Variants in SAMD11 observed in about 807,000 individuals in gnomAD.
SAMD11 encodes sterile alpha motif domain-containing protein 11.
Under a neutral mutation model 64.4 loss-of-function variants are expected in SAMD11, and 77 were observed. That is an observed-to-expected ratio of 1.20 (90% confidence interval 0.99 to 1.44). SAMD11 has a LOEUF of 1.44. Ranked by LOEUF, SAMD11 falls within the 40% of genes most tolerant of loss-of-function variation. The probability of loss-of-function intolerance (pLI) is 0.00; values close to 1 mark genes in which losing one functional copy is unlikely to be tolerated. For synonymous variants in SAMD11, 658 were observed against 421.9 expected, an observed-to-expected ratio of 1.56 and a Z score of -6.86; for missense variants, 1,402 against 943.3, an observed-to-expected ratio of 1.49 and a Z score of -6.37.
chr1:942,281 G>A (rs763624118), intron 9 of SAMD11, 30 bp downstream of exon 9: 135 of 1,049,146 alleles, frequency 1.3e-4, no homozygotes, highest in Non-Finnish European at 1.0e-5. Flanking sequence ...TCCCCTGGGA[G>A]CCCGCGTGGA....
chr1:939,612 C>G, intron 7 of SAMD11, 200 bp downstream of exon 7: 1 of 905,022 alleles, frequency 1.1e-6, no homozygotes, highest in Non-Finnish European at 1.6e-6. Flanking sequence ...TGGGGCGGGC[C>G]ACACCTCCAT....
chr1:932,902 CCT>C (rs1303014993), intron 4 of SAMD11, among the ~76,000 whole-genome samples: 1 of 152,260 alleles, frequency 6.6e-6, no homozygotes, highest in Non-Finnish European at 1.5e-5. Flanking sequence ...CTCCTGGGCC[CCT>C]GAGCTGGTGG....
Position 931,073 on chromosome 1 carries a change from C to T in SAMD11, c.826C>T (p.Arg276Ter), listed in dbSNP as rs781468828. Residue 276 changes from arginine to a stop codon, truncating the protein, a stop_gained, in exon 4 of 14, where the codon CGA (arginine) becomes TGA (stop). Coordinates refer to ENST00000616016, the MANE Select transcript of SAMD11 (RefSeq NM_001385641.1). LOFTEE classifies it high-confidence loss of function. ...CCACTGGGACGTGAACATCTCTTTC[C>T]GAGAGGCGTCCTGCAGGTAGGAGCC... ...HTHWDVNISF[R>*]EASCSQDGNL... 3.7e-6 allele frequency: 6 copies of T among 1,612,490 alleles called. No homozygotes were observed. Among genetic ancestry groups the T allele is most frequent in the Admixed American group, 1.7e-5 (1 of 59,994 alleles).
At chr1:943,136 G>A in intron 11 of SAMD11, 78 bp downstream of exon 11, 2 of 1,575,052 alleles carry the variant, frequency 1.3e-6, no homozygotes. Flanking sequence ...TTGGGGGGAG[G>A]AAAAATTCCC....
chr1:940,037 G>A (rs1453724259), intron 7 of SAMD11, among the ~76,000 whole-genome samples: 3 of 152,138 alleles, frequency 2.0e-5, no homozygotes, highest in African/African-American at 7.2e-5. Context: ...GGCCCCAGCC[G>A]CCCGCCTGGC....
rs1260427586 is a variant in SAMD11, at chr1:939,288, G to T, written c.1071G>T (p.Leu357=). The stretch of plus-strand genomic sequence containing the variant: ...CCTCCCCAGCAGAGGCGCTGCTGCT[G>T]CCGCGGGAGCTGGGGCCCAGCATGG... ...RSESPQEALL[L]PRELGPSMAP... The change falls in exon 7 of 14, where the codon CTG becomes CTT. Residue 357 remains leucine (L), a synonymous_variant. Transcript: ENST00000616016. The T allele has an allele frequency of 5.0e-6, 8 of 1,605,942 alleles. No homozygotes were observed. The highest frequency in any genetic ancestry group is 5.1e-6 in the Non-Finnish European group (6 of 1,177,122).
At chr1:926,409 G>A (rs529399443) in intron 2 of SAMD11, among the ~76,000 whole-genome samples, 1 of 152,374 alleles carries the variant, frequency 6.6e-6, no homozygotes, top group Admixed American at 6.5e-5. Flanking sequence ...CTGGTGAGGT[G>A]TGATTCTGGG....
chr1:936,018 C>G, intron 5 of SAMD11, 122 bp downstream of exon 5: 3 of 1,023,404 alleles, frequency 2.9e-6, no homozygotes, highest in Non-Finnish European at 4.3e-6. Context: ...CGGCCTGTCC[C>G]CCAGGGGCTG....
In SAMD11 at chr1:931,024, C is replaced by A. The variant is rs1229531696; in HGVS notation, c.792-15C>A. The A allele has an allele frequency of 2.5e-6, 4 of 1,611,646 alleles. No individual in the cohort carries two copies. The highest frequency in any genetic ancestry group is 3.3e-5 in the Admixed American group (2 of 59,978). ...CCTCCAGAGCAACATGGACCTTCTG[C>A]TTCCCTTCCTGCAGAGTCCACACCC... is the stretch of plus-strand genomic sequence containing the variant. On this transcript the variant is annotated splice_polypyrimidine_tract_variant and intron_variant, in intron 3 of 13. Transcript: ENST00000616016.
At chr1:933,666 C>T (rs1220907464) in intron 4 of SAMD11, among the ~76,000 whole-genome samples, 5 of 152,306 alleles carry the variant, frequency 3.3e-5, no homozygotes, top group Middle Eastern at 3.4e-3. Context: ...CGATTAGGAT[C>T]ATGGAAGGGA....
At chr1:933,014 C>G (rs949350653) in intron 4 of SAMD11, among the ~76,000 whole-genome samples, 1 of 152,136 alleles carries the variant, frequency 6.6e-6, no homozygotes, top group Non-Finnish European at 1.5e-5. Context: ...GCTCTGGCCT[C>G]CCCCTCCCCC....
At chr1:935,938 G>T (rs1209613884) in intron 5 of SAMD11, 42 bp downstream of exon 5, 3 of 1,596,074 alleles carry the variant, frequency 1.9e-6, no homozygotes, top group Non-Finnish European at 2.6e-6. Flanking sequence ...CGGGGCTGTG[G>T]GGCCAGAGGA....
At chr1:939,762 C>G (rs1641648614) in intron 7 of SAMD11, among the ~76,000 whole-genome samples, 2 of 152,128 alleles carry the variant, frequency 1.3e-5, no homozygotes, top group Admixed American at 1.3e-4. Flanking sequence ...ACCCTGTGGT[C>G]TGTGAGTCGT....
Position 941,128 on chromosome 1 carries a change from G to C in SAMD11, c.1196-16G>C. The C allele has an allele frequency of 6.3e-7, 1 of 1,587,156 alleles. No homozygotes were observed. Among genetic ancestry groups the C allele is most frequent in the South Asian group, 1.1e-5 (1 of 87,366 alleles). ...GCGCATAGCCGGGGGGATCACTGCT[G>C]TTGTCCCCCACCCAGATCTCCTGAG... is the stretch of plus-strand genomic sequence containing the variant. On this transcript the variant is annotated splice_polypyrimidine_tract_variant and intron_variant, in intron 7 of 13. Coordinates refer to ENST00000616016, the MANE Select transcript of SAMD11 (RefSeq NM_001385641.1).
intron 2 of SAMD11, among the ~76,000 whole-genome samples, chr1:928,898 G>A (rs553477702): frequency 6.6e-6 from 1 of 152,338 alleles, no homozygotes; most frequent in East Asian, 1.9e-4. Flanking sequence ...TAGGTCTGAG[G>A]AGGACACCCT....
intron 7 of SAMD11, among the ~76,000 whole-genome samples, chr1:939,901 C>G (rs937466292): frequency 6.6e-6 from 1 of 152,136 alleles, no homozygotes; most frequent in African/African-American, 2.4e-5. Flanking sequence ...GCTGAAGAGA[C>G]GCCAGCTGGA....
chr1:927,401 G>A (rs909146247), intron 2 of SAMD11, among the ~76,000 whole-genome samples: 4 of 152,116 alleles, frequency 2.6e-5, no homozygotes, highest in African/African-American at 7.2e-5. Flanking sequence ...CAGTGCTTCC[G>A]TGAGCATCTC....
chr1:928,169 G>A (rs537600611), intron 2 of SAMD11, among the ~76,000 whole-genome samples: 117 of 152,092 alleles, frequency 7.7e-4, no homozygotes, highest in African/African-American at 7.9e-4. Context: ...CGAGGCGGGC[G>A]GATCACGAGG....
chr1:943,286 A>C lies in SAMD11; in HGVS notation c.2087A>C (p.Glu696Ala), dbSNP rs774310110. The C allele has an allele frequency of 9.3e-6, 15 of 1,612,354 alleles. No homozygotes were observed. Among genetic ancestry groups the C allele is most frequent in the South Asian group, 7.7e-5 (7 of 91,054 alleles). Residue 696 changes from glutamate (E) to alanine (A), a missense_variant, in exon 12 of 14, where the codon GAG (glutamate) becomes GCG (alanine). Glu to Ala is a moderately radical substitution (Grantham distance 107). Transcript: ENST00000616016. ...AVGGLSMDGE[E>A]APAPEDVTKW... ...GGGGGACTCTCCATGGATGGGGAGGAGGCCCCAGCCCCTGAGGACGTCACC... is the reference window on the plus strand; with the variant it reads ...GGGGGACTCTCCATGGATGGGGAGGCGGCCCCAGCCCCTGAGGACGTCACC...
Sources: allele counts gnomAD v4.1 joint callset (sites outside exome capture counted in the v4.1 genomes callset), GRCh38; gene constraint gnomAD v4.1.1; transcripts MANE v1.5; gene names NCBI Gene and HGNC (gene_info 2026-07-23, HGNC 2026-07-21).